The following RASGEF1A variants were observed in gnomAD, a reference collection of about 807,000 sequenced individuals.
RASGEF1A encodes RasGEF domain family member 1A, also known as ras-GEF domain-containing family member 1A.
A neutral mutation model predicts 56.4 loss-of-function variants in RASGEF1A; 18 were observed. The observed-to-expected ratio is 0.32, with a 90% CI of 0.22 to 0.47. The LOEUF is 0.47. RASGEF1A is among the 20% of genes least tolerant of loss of function. The pLI, the probability that RASGEF1A is intolerant of heterozygous loss-of-function variation, is 1.00. For missense variants in RASGEF1A, 422 were observed against 627.1 expected (o/e 0.67, Z 3.49); for synonymous variants, 245 against 242.6 (o/e 1.01, Z -0.09).
chr10:43,263,256 T>C (rs1836568005), intron 1 of RASGEF1A, among the ~76,000 whole-genome samples: 1 of 151,862 alleles, frequency 6.6e-6, no homozygotes, highest in African/African-American at 2.4e-5. Flanking sequence ...AGGAAATGGG[T>C]GTCTGGGAAC....
chr10:43,217,266 G>A (rs1387644412), intron 1 of RASGEF1A, among the ~76,000 whole-genome samples: 1 of 152,326 alleles, frequency 6.6e-6, no homozygotes, highest in Middle Eastern at 3.4e-3. Context: ...AGGAGTGCCT[G>A]CCCCAGGCAG....
intron 1 of RASGEF1A, chr10:43,208,270 A>G (rs987695332): frequency 7.1e-6 from 7 of 985,376 alleles, no homozygotes; most frequent in Non-Finnish European, 1.2e-6. Context: ...GGCCTCTCCC[A>G]CTGCAGGCTG....
At chr10:43,247,698 T>C (rs1391314669) in intron 1 of RASGEF1A, among the ~76,000 whole-genome samples, 1 of 152,190 alleles carries the variant, frequency 6.6e-6, no homozygotes, top group Non-Finnish European at 1.5e-5. Flanking sequence ...GGCAAATTCA[T>C]AGAGTCATAA....
In RASGEF1A at chr10:43,207,218, G is replaced by A. The variant is rs192572851; in HGVS notation, c.-6-1096C>T. On this transcript the variant is annotated intron_variant, in intron 1 of 12. Coordinates refer to ENST00000395810, the MANE Select transcript of RASGEF1A (RefSeq NM_145313.4). ...AAGGGAAGGCAGCACAGGTGCCAGC[G>A]GCTGAGGTCAGGTGGAGAAGCGAGA... The A allele has an allele frequency of 9.8e-5, 97 of 985,502 alleles. No homozygotes were observed. In the East Asian group the frequency reaches 8.5e-3, roughly 86 times the overall value. 61.0% of individuals were successfully genotyped at this position (985,502 alleles called of 1,614,324 possible). A position where few individuals can be genotyped will look rare whatever the true frequency, so the allele number is the denominator to read the frequency against.
intron 1 of RASGEF1A, among the ~76,000 whole-genome samples, chr10:43,258,902 G>A (rs927407921): frequency 7.9e-5 from 12 of 152,250 alleles, no homozygotes; most frequent in Non-Finnish European, 5.9e-5. Context: ...CCAGAGTGGA[G>A]AGAAGGCTGC....
At chr10:43,201,272 C>A (rs1001092693) in intron 4 of RASGEF1A, among the ~76,000 whole-genome samples, 1 of 152,180 alleles carries the variant, frequency 6.6e-6, no homozygotes, top group East Asian at 1.9e-4. Flanking sequence ...GTCTCTGCCC[C>A]CTAGTTGGGA....
intron 1 of RASGEF1A, among the ~76,000 whole-genome samples, chr10:43,236,375 G>A (rs1588945876): frequency 6.6e-6 from 1 of 152,234 alleles, no homozygotes; most frequent in South Asian, 2.1e-4. Context: ...GCCTGAGCAG[G>A]TGTGCGTATG....
intron 3 of RASGEF1A, 43 bp from the exon 4 acceptor site, chr10:43,201,988 G>A: frequency 6.4e-7 from 1 of 1,554,318 alleles, no homozygotes; most frequent in Non-Finnish European, 8.7e-7. Flanking sequence ...ACAGGGCAGA[G>A]TAGGGTACTA....
intron 1 of RASGEF1A, among the ~76,000 whole-genome samples, chr10:43,249,963 C>T (rs1007723904): frequency 1.3e-5 from 2 of 152,216 alleles, no homozygotes; most frequent in South Asian, 2.1e-4. Flanking sequence ...TGCTCTCCCT[C>T]GGGGAAAGTC....
At chr10:43,229,798 G>T in intron 1 of RASGEF1A, 1 of 1,233,284 alleles carries the variant, frequency 8.1e-7, no homozygotes, top group Non-Finnish European at 1.0e-6. Flanking sequence ...GACCCCGGAA[G>T]CAGGGAACCG....
At chr10:43,224,673 C>T (rs1403737620) in intron 1 of RASGEF1A, among the ~76,000 whole-genome samples, 1 of 152,184 alleles carries the variant, frequency 6.6e-6, no homozygotes, top group African/African-American at 2.4e-5. Context: ...TGAAAAGCCT[C>T]CTCATTAAAA....
At chr10:43,205,331 C>A (rs571910182) in intron 2 of RASGEF1A, among the ~76,000 whole-genome samples, 2 of 152,174 alleles carry the variant, frequency 1.3e-5, no homozygotes, top group Non-Finnish European at 2.9e-5. Flanking sequence ...CAAGGGAACA[C>A]TTTCTCTGTT....
At chr10:43,231,583 C>T (rs1477745489) in intron 1 of RASGEF1A, among the ~76,000 whole-genome samples, 2 of 152,256 alleles carry the variant, frequency 1.3e-5, no homozygotes, top group African/African-American at 4.8e-5. Flanking sequence ...CAGATTGCAC[C>T]AGTGTCACCC....
intron 1 of RASGEF1A, among the ~76,000 whole-genome samples, chr10:43,218,240 C>G (rs141597787): frequency 2.8e-4 from 43 of 152,284 alleles, no homozygotes; most frequent in African/African-American, 1.0e-3. Context: ...GGTGCTGCCC[C>G]CTCCCTCATC....
intron 1 of RASGEF1A, among the ~76,000 whole-genome samples, chr10:43,206,353 C>T (rs1798131693): frequency 6.6e-6 from 1 of 152,180 alleles, no homozygotes; most frequent in South Asian, 2.1e-4. Context: ...TGGGCCAGAC[C>T]TCATTCCAGG....
chr10:43,233,668 G>A (rs150125112), intron 1 of RASGEF1A, among the ~76,000 whole-genome samples: 9 of 152,254 alleles, frequency 5.9e-5, no homozygotes, highest in East Asian at 3.9e-4. Context: ...TGCTGGCGGC[G>A]CGGCAGGGTC....
Position 43,197,016 on chromosome 10 carries a change from A to C in RASGEF1A, c.1308T>G (p.Ile436Met). 6.2e-7 allele frequency: 1 copy of C among 1,614,028 alleles called. No individual in the cohort carries two copies. Among genetic ancestry groups the C allele is most frequent in the Non-Finnish European group, 8.5e-7 (1 of 1,180,014 alleles). Residue 436 changes from isoleucine (I) to methionine (M), a missense_variant, in exon 11 of 13, where the codon ATT becomes ATG. Around this residue, in one of 2 missense-constraint regions of RASGEF1A, gnomAD observed 149 missense variants for 287.2 expected, o/e 0.52. Transcript: ENST00000395810. Reference protein sequence around the residue: ...VECPFEKDKKIQSYLLTAPIY... With the variant: ...VECPFEKDKKMQSYLLTAPIY... ...TGGGCGCCGTGAGCAGGTAACTCTG[A>C]ATCTTCTTGTCCTTCTCGAAAGGAC...
In RASGEF1A at chr10:43,196,676, C is replaced by T; in HGVS notation, c.1349-128G>A. On this transcript the variant is annotated intron_variant, in intron 11 of 12. Coordinates refer to ENST00000395810, the MANE Select transcript of RASGEF1A (RefSeq NM_145313.4). This position sits in a 1 kb window ranked among gnomAD's most constrained non-coding sequence, Gnocchi z 4.6. ...CTCTGGCTGGGCTGAACACAGTTCTCTGCTGTGCGGGGCTCTCAGGCTGCC... is the reference window on the plus strand; with the variant it reads ...CTCTGGCTGGGCTGAACACAGTTCTTTGCTGTGCGGGGCTCTCAGGCTGCC... 1 of 926,198 alleles carries T rather than the reference C, an allele frequency of 1.1e-6. No homozygotes were observed. Among genetic ancestry groups the T allele is most frequent in the Non-Finnish European group, 1.7e-6 (1 of 586,446 alleles). 57.4% of individuals were successfully genotyped at this position (926,198 alleles called of 1,614,324 possible).
intron 1 of RASGEF1A, chr10:43,207,143 TG>T: frequency 1.0e-6 from 1 of 985,432 alleles, no homozygotes; most frequent in African/African-American, 1.7e-5. Flanking sequence ...AGAGGTGGCC[TG>T]CCTGTGGCCT....
Sources: allele counts gnomAD v4.1 joint callset (sites outside exome capture counted in the v4.1 genomes callset), GRCh38; gene constraint gnomAD v4.1.1; regional missense constraint gnomAD v4.1.1; non-coding constraint Gnocchi (gnomAD v3.1); transcripts MANE v1.5; gene names NCBI Gene and HGNC (gene_info 2026-07-23, HGNC 2026-07-21).